Variants in ANKS1B observed in about 807,000 individuals in gnomAD.
ANKS1B encodes ankyrin repeat and sterile alpha motif domain containing 1B, also known as ankyrin repeat and sterile alpha motif domain-containing protein 1B.
ANKS1B carries 36 observed loss-of-function variants against 148.3 expected under a neutral mutation model. The observed-to-expected ratio is 0.24, with a 90% CI of 0.19 to 0.32. The LOEUF (loss-of-function observed/expected upper bound fraction) is 0.32, where lower values mean the gene tolerates loss of function less well. ANKS1B is among the 10% of genes least tolerant of loss of function. The pLI, the probability that ANKS1B is intolerant of heterozygous loss-of-function variation, is 1.00. For synonymous variants in ANKS1B, 542 were observed against 560.8 expected, an observed-to-expected ratio of 0.97 and a Z score of 0.47; for missense variants, 1,157 against 1,542.6, an observed-to-expected ratio of 0.75 and a Z score of 4.19.
At chr12:99,721,496 C>T (rs2058079134) in intron 8 of ANKS1B, among the ~76,000 whole-genome samples, 2 of 152,142 alleles carry the variant, frequency 1.3e-5, no homozygotes, top group South Asian at 4.1e-4. Flanking sequence ...CTTCTCCTGG[C>T]TCATCCTGCC....
At chr12:99,959,516 G>A (rs950383640) in intron 1 of ANKS1B, among the ~76,000 whole-genome samples, 28 of 152,240 alleles carry the variant, frequency 1.8e-4, no homozygotes, top group African/African-American at 6.3e-4. Context: ...ATGGAAAGAT[G>A]TCAACACATT....
intron 14 of ANKS1B, among the ~76,000 whole-genome samples, chr12:99,237,299 G>A (rs1057362701): frequency 2.0e-5 from 3 of 151,996 alleles, no homozygotes; most frequent in Non-Finnish European, 4.4e-5. Flanking sequence ...CAGCTGTATA[G>A]GCCCAGCTAT....
intron 8 of ANKS1B, among the ~76,000 whole-genome samples, chr12:99,673,561 A>T (rs957476235): frequency 6.6e-6 from 1 of 152,038 alleles, no homozygotes; most frequent in Non-Finnish European, 1.5e-5. Flanking sequence ...CAGACTACTC[A>T]AGGTACAAGG....
rs78780839 is a variant in ANKS1B, at chr12:99,020,071, C to CT, written c.2778+33085dup. Among the ~76,000 whole-genome samples the CT allele has an allele frequency of 1.5e-3, 223 of 147,966 alleles. 1 individual carries two copies. The highest frequency in any genetic ancestry group is 3.5e-3 in the Middle Eastern group (1 of 284). On this transcript the variant is annotated intron_variant, in intron 17 of 26. Transcript: ENST00000683438. ...TCTCTTTGGACATTTCTCCATCTTT[C>CT]TTTTTTTTTTTGGTGTAAAATATAC...
At chr12:99,431,896 G>T (rs1215729484) in intron 11 of ANKS1B, among the ~76,000 whole-genome samples, 1 of 152,184 alleles carries the variant, frequency 6.6e-6, no homozygotes, top group Admixed American at 6.5e-5. Flanking sequence ...GTGTTGGCAG[G>T]TGGGGCCTAG....
intron 8 of ANKS1B, among the ~76,000 whole-genome samples, chr12:99,698,455 G>C (rs533787399): frequency 2.0e-5 from 3 of 152,038 alleles, no homozygotes; most frequent in Admixed American, 6.6e-5. Context: ...GTAAATAGGC[G>C]GTTACACTGA....
chr12:99,458,955 C>CA (rs1345786246), intron 10 of ANKS1B, among the ~76,000 whole-genome samples: 1 of 151,840 alleles, frequency 6.6e-6, no homozygotes, highest in Non-Finnish European at 1.5e-5. Context: ...AAGGACATAA[C>CA]ATAAAAAGAA....
chr12:99,657,911 A>AT (rs1485852295), intron 8 of ANKS1B, among the ~76,000 whole-genome samples: 5 of 150,356 alleles, frequency 3.3e-5, no homozygotes, highest in African/African-American at 1.2e-4. Context: ...AAAAAAAAAA[A>AT]AAAAAAAAAA....
At chr12:99,740,650 G>A (rs1386948925) in intron 8 of ANKS1B, among the ~76,000 whole-genome samples, 1 of 152,184 alleles carries the variant, frequency 6.6e-6, no homozygotes, top group African/African-American at 2.4e-5. Flanking sequence ...AGCTCCCAGT[G>A]AGATCAATGC....
chr12:99,248,689 A>G (rs2074191171), intron 12 of ANKS1B, among the ~76,000 whole-genome samples: 1 of 152,238 alleles, frequency 6.6e-6, no homozygotes, highest in African/African-American at 2.4e-5. Flanking sequence ...CATTTTTAAG[A>G]AGTCAAAACT....
intron 24 of ANKS1B, among the ~76,000 whole-genome samples, chr12:98,779,228 A>G (rs1566392577): frequency 6.6e-6 from 1 of 152,166 alleles, no homozygotes; most frequent in East Asian, 1.9e-4. Flanking sequence ...TAACTCATCT[A>G]ATTATTGGCA....
intron 12 of ANKS1B, among the ~76,000 whole-genome samples, chr12:99,359,428 C>T (rs1336838139): frequency 8.6e-5 from 13 of 151,958 alleles, no homozygotes; most frequent in Admixed American, 8.5e-4. Context: ...TAAATAATTA[C>T]TTTCTAAAAA....
At chr12:99,887,507 T>A (rs2092888524) in intron 1 of ANKS1B, among the ~76,000 whole-genome samples, 2 of 152,186 alleles carry the variant, frequency 1.3e-5, no homozygotes, top group South Asian at 4.1e-4. Flanking sequence ...GGCATCATGA[T>A]AGAGCACTCC....
At position 99,196,022 on chromosome 12, in the gene ANKS1B, A is replaced by T. The variant is rs185606885; in HGVS notation, c.2420-41627T>A. Reference sequence around the variant, plus strand: ...AATAAAAGTTATTATTAATAATATTAAAAAAGTTAATAATATGATATTAAG... The same window carrying T: ...AATAAAAGTTATTATTAATAATATTTAAAAAGTTAATAATATGATATTAAG... On this transcript the variant is annotated intron_variant, in intron 14 of 26. Coordinates refer to ENST00000683438, the MANE Select transcript of ANKS1B (RefSeq NM_001352186.2). Among the ~76,000 whole-genome samples, 488 of 152,256 alleles carry T rather than the reference A, an allele frequency of 3.2e-3. 4 individuals carry two copies. Among genetic ancestry groups the T allele is most frequent in the African/African-American group, 0.011 (457 of 41,580 alleles).
intron 17 of ANKS1B, chr12:98,895,096 G>C (rs140856498): frequency 4.5e-4 from 440 of 981,138 alleles, no homozygotes; most frequent in Admixed American, 9.9e-4. Context: ...GGCGAGGCGG[G>C]GGGGAGGTGT....
chr12:99,286,746 G>C (rs572350633), intron 12 of ANKS1B, among the ~76,000 whole-genome samples: 1 of 152,186 alleles, frequency 6.6e-6, no homozygotes, highest in Non-Finnish European at 1.5e-5. Flanking sequence ...TGGGCCTGGA[G>C]CAAACATCAG....
chr12:98,960,804 G>C (rs189213063), intron 17 of ANKS1B, among the ~76,000 whole-genome samples: 2 of 152,246 alleles, frequency 1.3e-5, no homozygotes, highest in Non-Finnish European at 2.9e-5. Flanking sequence ...ATTTAACAAA[G>C]AGATTGGAAT....
intron 12 of ANKS1B, among the ~76,000 whole-genome samples, chr12:99,377,344 A>G (rs1421751902): frequency 6.6e-6 from 1 of 152,150 alleles, no homozygotes; most frequent in Non-Finnish European, 1.5e-5. Flanking sequence ...ATTCTTCAGC[A>G]TATCATTCTT....
intron 12 of ANKS1B, among the ~76,000 whole-genome samples, chr12:99,371,361 G>A (rs2093123306): frequency 6.6e-6 from 1 of 152,100 alleles, no homozygotes; most frequent in Non-Finnish European, 1.5e-5. Flanking sequence ...GATGGAGGAA[G>A]GAGAGTAGGA....
Sources: allele counts gnomAD v4.1 joint callset (sites outside exome capture counted in the v4.1 genomes callset), GRCh38; gene constraint gnomAD v4.1.1; transcripts MANE v1.5; gene names NCBI Gene and HGNC (gene_info 2026-07-23, HGNC 2026-07-21).